The following GABRB3 variants were observed in gnomAD, a reference collection of about 807,000 sequenced individuals.
The protein encoded by GABRB3 is gamma-aminobutyric acid receptor subunit beta-3.
In GABRB3, 14 loss-of-function variants were observed where a neutral mutation model predicts 52.1. The observed-to-expected ratio is 0.27, with a 90% CI of 0.18 to 0.42. The LOEUF (loss-of-function observed/expected upper bound fraction) is 0.42. Ranked by LOEUF, GABRB3 falls within the 10% of genes least tolerant of loss-of-function variation. The pLI is 1.00. For missense variants in GABRB3, 307 were observed against 609.1 expected (o/e 0.50, Z 5.22); for synonymous variants, 260 against 232.3 (o/e 1.12, Z -1.08).
intron 6 of GABRB3, among the ~76,000 whole-genome samples, chr15:26,579,142 CTCAG>C (rs1214950315): frequency 6.6e-6 from 1 of 152,162 alleles, no homozygotes; most frequent in Non-Finnish European, 1.5e-5. Context: ...CAATTACTTA[CTCAG>C]TGACAACTGC....
intron 3 of GABRB3, among the ~76,000 whole-genome samples, chr15:26,641,893 C>CT (rs1052165668): frequency 4.8e-3 from 689 of 144,706 alleles, no homozygotes; most frequent in Middle Eastern, 0.011. Context: ...TCTTCTCTTT[C>CT]TTTTTTTTTT....
intron 3 of GABRB3, among the ~76,000 whole-genome samples, chr15:26,770,494 T>C (rs1217282387): frequency 6.6e-6 from 1 of 152,212 alleles, no homozygotes; most frequent in Non-Finnish European, 1.5e-5. Flanking sequence ...AGGCAAACAC[T>C]GATGAAGTTT....
At chr15:26,720,015 G>A (rs1368604641) in intron 3 of GABRB3, among the ~76,000 whole-genome samples, 1 of 152,114 alleles carries the variant, frequency 6.6e-6, no homozygotes, top group Admixed American at 6.5e-5. Flanking sequence ...CTTAACTGAT[G>A]ACATTCCACC....
Position 26,681,687 on chromosome 15 carries a change from G to A in GABRB3, c.241-60153C>T, listed in dbSNP as rs529036520. Among the ~76,000 whole-genome samples, 3 of 152,326 alleles carry A rather than the reference G, an allele frequency of 2.0e-5. No individual in the cohort carries two copies. The South Asian group carries it at 6.2e-4, about 32-fold the overall frequency. The stretch of plus-strand genomic sequence containing the variant: ...ATGTAAAAGAATGTCTTTGGTCAGA[G>A]ACAGTGGCTCATGCCTATAATCCCA... On this transcript the variant is annotated intron_variant, in intron 3 of 8. Coordinates refer to ENST00000311550, the MANE Select transcript of GABRB3 (RefSeq NM_000814.6).
chr15:26,633,049 T>C (rs1566784695), intron 3 of GABRB3, among the ~76,000 whole-genome samples: 1 of 152,148 alleles, frequency 6.6e-6, no homozygotes, highest in Non-Finnish European at 1.5e-5. Context: ...TGTGTTTTCC[T>C]GAGATGCAGG....
intron 3 of GABRB3, among the ~76,000 whole-genome samples, chr15:26,638,575 C>T (rs1893116007): frequency 6.6e-6 from 1 of 152,190 alleles, no homozygotes; most frequent in South Asian, 2.1e-4. Flanking sequence ...CTTCTGACAG[C>T]ACTACTTTGT....
In GABRB3 at chr15:26,649,658, C is replaced by CTGTGTGTGTGTGTGTGTGTGTGTG. The variant is rs57833685; in HGVS notation, c.241-28148_241-28125dup. 1.6e-3 allele frequency among the ~76,000 whole-genome samples: 206 copies of CTGTGTGTGTGTGTGTGTGTGTGTG among 130,174 alleles called. 3 individuals carry two copies. The highest frequency in any genetic ancestry group is 5.8e-3 in the African/African-American group (192 of 33,010). The allele number at this position is 130,174 out of a possible 152,430, so 85.4% of individuals were successfully genotyped here. The stretch of plus-strand genomic sequence containing the variant: ...AGAAGAAAGCAGGACAGAGCCAAGG[C>CTGTGTGTGTGTGTGTGTGTGTGTG]TGTGTGTGTGTGTGTGTGTGTGTGT... On this transcript the variant is annotated intron_variant, in intron 3 of 8. Transcript: ENST00000311550.
chr15:26,714,593 T>C (rs73370201), intron 3 of GABRB3, among the ~76,000 whole-genome samples: 15,214 of 152,132 alleles, frequency 0.1, 1,520 homozygotes, highest in African/African-American at 0.26. Flanking sequence ...TCGAGTTATT[T>C]TGAGTTTCTG....
chr15:26,657,403 A>G (rs1479169067), intron 3 of GABRB3: 1 of 152,210 alleles, frequency 6.6e-6, no homozygotes, highest in South Asian at 2.1e-4. Flanking sequence ...TGAAACATTA[A>G]CACATGAATA....
intron 3 of GABRB3, among the ~76,000 whole-genome samples, chr15:26,663,907 A>G (rs1887624458): frequency 6.6e-6 from 1 of 152,196 alleles, no homozygotes; most frequent in African/African-American, 2.4e-5. Context: ...TTAGTGATTA[A>G]GTTTTAACAT....
chr15:26,754,885 G>A (rs192238305), intron 3 of GABRB3, among the ~76,000 whole-genome samples: 6 of 152,116 alleles, frequency 3.9e-5, no homozygotes, highest in South Asian at 4.1e-4. Flanking sequence ...TCAAACACCC[G>A]AGGGGTCGAG....
intron 3 of GABRB3, among the ~76,000 whole-genome samples, chr15:26,665,463 A>C (rs901767010): frequency 2.6e-5 from 4 of 152,264 alleles, no homozygotes; most frequent in Non-Finnish European, 5.9e-5. Flanking sequence ...TAAAAACTAA[A>C]AGTATCTTTT....
At chr15:26,659,830 G>A (rs1359640231) in intron 3 of GABRB3, among the ~76,000 whole-genome samples, 1 of 152,166 alleles carries the variant, frequency 6.6e-6, no homozygotes, top group Non-Finnish European at 1.5e-5. Flanking sequence ...ACACCAGAAA[G>A]TTACATTGTA....
At chr15:26,748,279 G>A (rs1411962156) in intron 3 of GABRB3, among the ~76,000 whole-genome samples, 1 of 152,072 alleles carries the variant, frequency 6.6e-6, no homozygotes, top group African/African-American at 2.4e-5. Flanking sequence ...AGAGGAGACT[G>A]CATACAGCTA....
chr15:26,612,303 C>G (rs1454004824), intron 4 of GABRB3: 1 of 152,042 alleles, frequency 6.6e-6, no homozygotes, highest in Non-Finnish European at 1.5e-5. Flanking sequence ...TAAAAATCAT[C>G]ATTATAAGCA....
intron 3 of GABRB3, among the ~76,000 whole-genome samples, chr15:26,718,337 G>T (rs1046200143): frequency 6.6e-6 from 1 of 152,084 alleles, no homozygotes; most frequent in African/African-American, 2.4e-5. Flanking sequence ...GCCTTCCCAA[G>T]TAGTTGGGAT....
At chr15:26,615,321 T>C (rs913313293) in intron 4 of GABRB3, 47 of 985,296 alleles carry the variant, frequency 4.8e-5, no homozygotes, top group South Asian at 4.7e-5. Context: ...TGTTTTATTT[T>C]AGGATGGCAT....
At chr15:26,637,450 T>C (rs558170129) in intron 3 of GABRB3, among the ~76,000 whole-genome samples, 2 of 152,302 alleles carry the variant, frequency 1.3e-5, no homozygotes, top group South Asian at 2.1e-4. Flanking sequence ...GCTGCATGAG[T>C]GCAGGAAATT....
At chr15:26,565,914 T>C (rs1278077989) in intron 7 of GABRB3, among the ~76,000 whole-genome samples, 4 of 152,210 alleles carry the variant, frequency 2.6e-5, no homozygotes, top group Non-Finnish European at 1.5e-5. Context: ...GTATATTTCA[T>C]ATTATTTTTC....
Sources: gnomAD v4.1 joint callset for allele counts (sites outside exome capture counted in the v4.1 genomes callset) on GRCh38, gnomAD v4.1.1 for gene constraint, MANE v1.5 for transcripts, NCBI Gene and HGNC (gene_info 2026-07-23, HGNC 2026-07-21) for gene names.